The following PCDHGB6 variants were observed in gnomAD, a reference collection of about 807,000 sequenced individuals.
The protein encoded by PCDHGB6 is protocadherin gamma subfamily B, 6, also known as protocadherin gamma-B6.
PCDHGB6 carries 51 observed loss-of-function variants against 59.1 expected under a neutral mutation model. That is an observed-to-expected ratio of 0.86 (90% CI 0.69 to 1.09). The LOEUF is 1.09. Ranked by LOEUF, PCDHGB6 falls within the 50% of genes least tolerant of loss-of-function variation. The pLI is 0.00. For missense variants in PCDHGB6, 1,148 were observed against 1,205.1 expected, an observed-to-expected ratio of 0.95 and a Z score of 0.70; for synonymous variants, 466 against 495.1, an observed-to-expected ratio of 0.94 and a Z score of 0.78.
At chr5:141,462,335 A>G in intron 1 of PCDHGB6, among the ~76,000 whole-genome samples, 1 of 152,220 alleles carries the variant, frequency 6.6e-6, no homozygotes, top group East Asian at 1.9e-4. Context: ...ATTTAATTGT[A>G]TTGTGATCCA....
Position 141,431,474 on chromosome 5 carries a change from G to C in PCDHGB6, c.2418+20854G>C. On this transcript the variant is annotated intron_variant, in intron 1 of 3. Coordinates refer to ENST00000520790, the MANE Select transcript of PCDHGB6 (RefSeq NM_018926.3). The surrounding 1 kb of genome is among the most constrained non-coding windows in gnomAD (Gnocchi z 4.8). The stretch of plus-strand genomic sequence containing the variant: ...GATGGTTCTGGATGCGAACGACAAC[G>C]CACCAGCGTTTGCTCAGCCCGAGTA... 6.2e-7 allele frequency: 1 copy of C among 1,613,842 alleles called. No individual in the cohort carries two copies. The highest frequency in any genetic ancestry group is 8.5e-7 in the Non-Finnish European group (1 of 1,179,958).
At chr5:141,413,090 C>A in intron 1 of PCDHGB6, 2 of 1,391,312 alleles carry the variant, frequency 1.4e-6, no homozygotes, top group Non-Finnish European at 1.9e-6. Flanking sequence ...ACAGAGACAC[C>A]CTGAAGCCAC....
At position 141,476,973 on chromosome 5, in the gene PCDHGB6, A is replaced by C. The variant is rs1205314116; in HGVS notation, c.2419-17834A>C. Reference sequence around the variant, plus strand: ...GAAATTATTTACTCCTTCGGCAGCCACAACCGCGCCGGCGTGCGGCAACTA... The same window carrying C: ...GAAATTATTTACTCCTTCGGCAGCCCCAACCGCGCCGGCGTGCGGCAACTA... On this transcript the variant is annotated intron_variant, in intron 1 of 3. Coordinates refer to ENST00000520790, the MANE Select transcript of PCDHGB6 (RefSeq NM_018926.3). The surrounding 1 kb of genome is among the most constrained non-coding windows in gnomAD (Gnocchi z 7.6). 6.2e-7 allele frequency: 1 copy of C among 1,614,230 alleles called. No homozygotes were observed. The highest frequency in any genetic ancestry group is 2.2e-5 in the East Asian group (1 of 44,884).
intron 1 of PCDHGB6, chr5:141,416,068 A>G (rs940843403): frequency 1.2e-5 from 2 of 173,694 alleles, no homozygotes; most frequent in Non-Finnish European, 2.4e-5. Context: ...AGAATACTCA[A>G]TGCAGTTCTT....
At chr5:141,414,919 G>A (rs2095801962) in intron 1 of PCDHGB6, 2 of 1,614,050 alleles carry the variant, frequency 1.2e-6, no homozygotes, top group African/African-American at 2.7e-5. Context: ...CGTGGAGCTG[G>A]CGCCCCGCTC....
rs1188941232 is a variant in PCDHGB6, at chr5:141,512,270, G to A, written c.*1097G>A. ...TCTGTGGGTGCTGGGTACTCCAGAG[G>A]TGCCACTGGTGGAAGGGTCAGCGGA... On this transcript the variant is annotated 3_prime_UTR_variant, in exon 4 of 4. Coordinates refer to ENST00000520790, the MANE Select transcript of PCDHGB6 (RefSeq NM_018926.3). The A allele has an allele frequency of 1.3e-5, 2 of 152,714 alleles. No individual in the cohort carries two copies. The highest frequency in any genetic ancestry group is 2.9e-5 in the Non-Finnish European group (2 of 68,100). The allele number at this position is 152,714 out of a possible 1,614,324, so 9.5% of individuals were successfully genotyped here.
chr5:141,482,069 G>A (rs892777397), intron 1 of PCDHGB6, among the ~76,000 whole-genome samples: 1 of 138,078 alleles, frequency 7.2e-6, no homozygotes, highest in Non-Finnish European at 1.5e-5. Context: ...TGGGCAACAA[G>A]AACAAAACTC....
Position 141,431,137 on chromosome 5 carries a change from T to G in PCDHGB6, c.2418+20517T>G. 3 of 1,614,212 alleles carry G rather than the reference T, an allele frequency of 1.9e-6. No individual in the cohort carries two copies. The highest frequency in any genetic ancestry group is 2.2e-5 in the South Asian group (2 of 91,084). On this transcript the variant is annotated intron_variant, in intron 1 of 3. Coordinates refer to ENST00000520790, the MANE Select transcript of PCDHGB6 (RefSeq NM_018926.3). This position sits in a 1 kb window ranked among gnomAD's most constrained non-coding sequence, Gnocchi z 4.8. Reference sequence around the variant, plus strand: ...GAGTAGAAGTAGAAGTAAGGGACATTAACGACAATGCGCCTTACTTTCGTG... The same window carrying G: ...GAGTAGAAGTAGAAGTAAGGGACATGAACGACAATGCGCCTTACTTTCGTG...
At chr5:141,421,794 G>A in intron 1 of PCDHGB6, 1 of 1,613,788 alleles carries the variant, frequency 6.2e-7, no homozygotes, top group Non-Finnish European at 8.5e-7. Flanking sequence ...GAACGGATGG[G>A]GCCAAGAATC....
rs753473913 is a variant in PCDHGB6 at position 141,503,323 on chromosome 5, G to A, written c.2478-2070G>A. On this transcript the variant is annotated intron_variant, in intron 2 of 3. Transcript: ENST00000520790. The stretch of plus-strand genomic sequence containing the variant: ...CTCAAGAAAGAATTGTTGGAGGGGC[G>A]CGGTGGCTCACGCCTGTAATTCCAG... Among the ~76,000 whole-genome samples the A allele has an allele frequency of 2.0e-5, 3 of 152,214 alleles. No individual in the cohort carries two copies. In the Middle Eastern group the frequency reaches 0.01, roughly 518 times the overall value.
intron 1 of PCDHGB6, chr5:141,424,783 T>C (rs1285808638): frequency 1.3e-5 from 2 of 152,212 alleles, no homozygotes; most frequent in African/African-American, 4.8e-5. Flanking sequence ...TACATTCAGT[T>C]CTTTTATTCA....
At chr5:141,473,750 G>C (rs777343462) in intron 1 of PCDHGB6, among the ~76,000 whole-genome samples, 1 of 152,192 alleles carries the variant, frequency 6.6e-6, no homozygotes, top group Non-Finnish European at 1.5e-5. Context: ...TGAGAACTTG[G>C]ATACTATGCA....
intron 1 of PCDHGB6, among the ~76,000 whole-genome samples, chr5:141,468,782 C>T (rs1280972843): frequency 2.0e-5 from 3 of 151,990 alleles, no homozygotes; most frequent in East Asian, 3.9e-4. Context: ...AGGAGAATGG[C>T]GTGAACCCGG....
In PCDHGB6 at chr5:141,408,036, A is replaced by C; in HGVS notation, c.-167A>C. ...AGCCAACAACAGAAAGAAGAAAACC[A>C]GCTCCCACACAGAGCCTCCCGGCTG... On this transcript the variant is annotated 5_prime_UTR_variant, in exon 1 of 4. Transcript: ENST00000520790. The C allele has an allele frequency of 8.8e-7, 1 of 1,132,834 alleles. No homozygotes were observed. Among genetic ancestry groups the C allele is most frequent in the Non-Finnish European group, 1.2e-6 (1 of 830,436 alleles). The allele number at this position is 1,132,834 out of a possible 1,614,324, so 70.2% of individuals were successfully genotyped here.
intron 1 of PCDHGB6, chr5:141,433,126 G>A (rs1390613447): frequency 1.9e-6 from 3 of 1,614,120 alleles, no homozygotes; most frequent in Middle Eastern, 1.7e-4. Flanking sequence ...AAAAAAGCGA[G>A]CCCCTTTTGC....
chr5:141,417,632 C>T (rs1395400349), intron 1 of PCDHGB6: 3 of 714,288 alleles, frequency 4.2e-6, no homozygotes, highest in Non-Finnish European at 6.5e-6. Context: ...GCGCTGACGC[C>T]GGGGATCCCT....
intron 1 of PCDHGB6, among the ~76,000 whole-genome samples, chr5:141,447,276 A>G (rs2098532917): frequency 6.6e-6 from 1 of 151,994 alleles, no homozygotes; most frequent in South Asian, 2.1e-4. Flanking sequence ...AGTAGCTGGG[A>G]CTACAGGCAC....
chr5:141,481,427 T>C lies in PCDHGB6; in HGVS notation c.2419-13380T>C, dbSNP rs79272909. Reference sequence around the variant, plus strand: ...TTGTATAATTAGATTGTGATGATGATTGTATCAGTTTAGTACATGTAAATA... The same window carrying C: ...TTGTATAATTAGATTGTGATGATGACTGTATCAGTTTAGTACATGTAAATA... On this transcript the variant is annotated intron_variant, in intron 1 of 3. Transcript: ENST00000520790. Among the ~76,000 whole-genome samples the C allele has an allele frequency of 6.0e-3, 907 of 152,334 alleles. 5 individuals are homozygous for C. Among genetic ancestry groups the C allele is most frequent in the African/African-American group, 0.02 (840 of 41,578 alleles).
chr5:141,494,528 G>A lies in PCDHGB6; in HGVS notation c.2419-279G>A, dbSNP rs189993899. On this transcript the variant is annotated intron_variant, in intron 1 of 3. Coordinates refer to ENST00000520790, the MANE Select transcript of PCDHGB6 (RefSeq NM_018926.3). ...ATTTTGGCTCAGGAGTTCTGACTCTGGGGGCAGGGAGGAAGGGGCCATTTC... is the reference window on the plus strand; with the variant it reads ...ATTTTGGCTCAGGAGTTCTGACTCTAGGGGCAGGGAGGAAGGGGCCATTTC... 3.0e-4 allele frequency among the ~76,000 whole-genome samples: 45 copies of A among 152,274 alleles called. 1 individual carries two copies. Among genetic ancestry groups the A allele is most frequent in the African/African-American group, 1.0e-3 (42 of 41,542 alleles).
Sources: gnomAD v4.1 joint callset for allele counts (sites outside exome capture counted in the v4.1 genomes callset) on GRCh38, gnomAD v4.1.1 for gene constraint, Gnocchi (gnomAD v3.1) non-coding constraint, MANE v1.5 for transcripts, NCBI Gene and HGNC (gene_info 2026-07-23, HGNC 2026-07-21) for gene names.